MTAP: variants seen among roughly 807,000 people sequenced by gnomAD.
MTAP encodes the protein methylthioadenosine phosphorylase.
MTAP carries 33 observed loss-of-function variants against 33.6 expected under a neutral mutation model. The observed-to-expected ratio is 0.98, with a 90% CI of 0.74 to 1.31. MTAP has a LOEUF of 1.31. Among genes scored for constraint, MTAP ranks in the 40% most tolerant of loss-of-function variants. MTAP has a pLI of 0.00. For missense variants in MTAP, 367 were observed against 360.0 expected (o/e 1.02, Z -0.16); for synonymous variants, 148 against 125.7 (o/e 1.18, Z -1.19).
chr9:21,874,227 G>C (rs913534643), intron 1 of MTAP, among the ~76,000 whole-genome samples: 3 of 152,090 alleles, frequency 2.0e-5, no homozygotes, highest in South Asian at 2.1e-4. Context: ...TAGACAATCT[G>C]TTTATTCTAT....
chr9:21,899,841 A>G lies in MTAP; in HGVS notation c.148-31167A>G, dbSNP rs573947611. Among the ~76,000 whole-genome samples, 19 of 152,308 alleles carry G rather than the reference A, an allele frequency of 1.2e-4. No homozygotes were observed. The East Asian group carries it at 3.7e-3, about 29-fold the overall frequency. ...TGGTACAAAAACAGAAACACAAATCAATGGAACAGAGTAGAGAACCCAGAA... is the reference window on the plus strand; with the variant it reads ...TGGTACAAAAACAGAAACACAAATCGATGGAACAGAGTAGAGAACCCAGAA... On this transcript the variant is annotated intron_variant, in intron 1 of 1. Transcript: ENST00000577563.
At chr9:21,815,895 C>A (rs565120147) in intron 2 of MTAP, among the ~76,000 whole-genome samples, 2 of 152,094 alleles carry the variant, frequency 1.3e-5, no homozygotes, top group South Asian at 4.1e-4. Flanking sequence ...AGGCTGATGA[C>A]TAATAGGATG....
intron 7 of MTAP, chr9:21,860,154 A>T (rs946339818): frequency 1.2e-4 from 18 of 152,160 alleles, no homozygotes; most frequent in African/African-American, 4.3e-4. Flanking sequence ...TCCTTACCTG[A>T]ATTACCACCT....
chr9:21,932,447 C>T (rs1047269094), downstream of MTAP: 1 of 152,196 alleles, frequency 6.6e-6, no homozygotes, highest in Non-Finnish European at 1.5e-5. Context: ...TTCAATTACT[C>T]CTGCAGATAA....
At chr9:21,852,235 G>A (rs946731304) in intron 5 of MTAP, among the ~76,000 whole-genome samples, 6 of 152,132 alleles carry the variant, frequency 3.9e-5, no homozygotes, top group Non-Finnish European at 5.9e-5. Context: ...AGGGCCGGGC[G>A]CAGTGGCTCA....
At chr9:21,804,730 TG>T (rs1328821088) in intron 1 of MTAP, among the ~76,000 whole-genome samples, 1 of 152,014 alleles carries the variant, frequency 6.6e-6, no homozygotes, top group Admixed American at 6.5e-5. Flanking sequence ...GGGGCTGGAG[TG>T]TTCCTTCAAG....
downstream of MTAP, among the ~76,000 whole-genome samples, chr9:21,938,217 T>A (rs1819073007): frequency 6.7e-6 from 1 of 149,020 alleles, no homozygotes; most frequent in Admixed American, 6.8e-5. Flanking sequence ...GAGGTTGCAG[T>A]GAGCCAAGAT....
Position 21,816,810 on chromosome 9 carries a change from G to C in MTAP, c.179+38G>C. ...AAGCTTTTTGGATGTTACTACTAAAGGATAATTTAAATTTAACTTAAATTC... is the reference window on the plus strand; with the variant it reads ...AAGCTTTTTGGATGTTACTACTAAACGATAATTTAAATTTAACTTAAATTC... On this transcript the variant is annotated intron_variant, in intron 3 of 7. Coordinates refer to ENST00000644715, the MANE Select transcript of MTAP (RefSeq NM_002451.4). 5 of 1,533,174 alleles carry C rather than the reference G, an allele frequency of 3.3e-6. No individual in the cohort carries two copies. In the East Asian group the frequency reaches 9.1e-5, roughly 28 times the overall value. The allele number at this position is 1,533,174 out of a possible 1,614,324, so 95.0% of individuals were successfully genotyped here.
At position 21,818,317 on chromosome 9, in the gene MTAP, CTTTTTTTTT is replaced by C. The variant is rs35709813; in HGVS notation, c.347+134_347+142del. On this transcript the variant is annotated intron_variant, in intron 4 of 7. Transcript: ENST00000644715. ...GAGGGCAGTGCCACAGACTCGCTTGCTTTTTTTTTTTTTTTTTTTTTTTTTTTGGAGACG... is the reference window on the plus strand; with the variant it reads ...GAGGGCAGTGCCACAGACTCGCTTGCTTTTTTTTTTTTTTTTTTGGAGACG... The C allele has an allele frequency of 4.2e-4, 102 of 240,848 alleles. 2 individuals carry two copies. The highest frequency in any genetic ancestry group is 1.6e-3 in the East Asian group (10 of 6,238). The allele number at this position is 240,848 out of a possible 1,614,324, so 14.9% of individuals were successfully genotyped here.
chr9:21,905,539 A>G (rs999091972), intron 1 of MTAP, among the ~76,000 whole-genome samples: 2 of 152,260 alleles, frequency 1.3e-5, no homozygotes, highest in African/African-American at 2.4e-5. Flanking sequence ...ATGGAAGACT[A>G]GAAAATATAA....
At chr9:21,905,660 C>G (rs192507720) in intron 1 of MTAP, among the ~76,000 whole-genome samples, 3 of 152,048 alleles carry the variant, frequency 2.0e-5, no homozygotes, top group African/African-American at 2.4e-5. Flanking sequence ...TGACCCAAAA[C>G]AAGAGGGAAC....
chr9:21,932,306 A>T (rs995920919), downstream of MTAP: 1 of 152,240 alleles, frequency 6.6e-6, no homozygotes, highest in Non-Finnish European at 1.5e-5. Context: ...TCCTTCCTTA[A>T]AATTCAACCA....
At position 21,865,995 on chromosome 9, in the gene MTAP, T is replaced by A. The variant is rs1825847593; in HGVS notation, c.*3981T>A. 5.8e-6 allele frequency: 1 copy of A among 172,022 alleles called. No individual in the cohort carries two copies. Among genetic ancestry groups the A allele is most frequent in the Non-Finnish European group, 1.2e-5 (1 of 85,952 alleles). The allele number at this position is 172,022 out of a possible 1,614,324, so 10.7% of individuals were successfully genotyped here. ...AATTACAAGTCTTTTTGTGAACATA[T>A]TTTCACTTGTGCAAATGCCTATACT... On this transcript the variant is annotated 3_prime_UTR_variant, in exon 8 of 8. Transcript: ENST00000644715.
intron 1 of MTAP, among the ~76,000 whole-genome samples, chr9:21,879,661 T>C (rs1817968756): frequency 6.6e-6 from 1 of 151,990 alleles, no homozygotes; most frequent in African/African-American, 2.4e-5. Context: ...CTTAAATGTG[T>C]TTTTGTAATG....
chr9:21,824,896 G>A (rs935493293), intron 4 of MTAP, among the ~76,000 whole-genome samples: 7 of 152,176 alleles, frequency 4.6e-5, no homozygotes, highest in East Asian at 3.9e-4. Context: ...GGGACCCTCC[G>A]AGCTATGCAC....
rs146555768 is a variant in MTAP at position 21,844,007 on chromosome 9, A to G, written c.450+5997A>G. Among the ~76,000 whole-genome samples the G allele has an allele frequency of 5.1e-3, 775 of 152,330 alleles. 3 individuals are homozygous for G. Among genetic ancestry groups the G allele is most frequent in the African/African-American group, 0.018 (733 of 41,572 alleles). On this transcript the variant is annotated intron_variant, in intron 5 of 7. Transcript: ENST00000644715. ...CATTAGTGAAATTAACCAAGAAGAG[A>G]AAAGATCCAAATAAGCTCAATGAGA...
chr9:21,806,922 G>A (rs1044232856), intron 1 of MTAP, among the ~76,000 whole-genome samples: 2 of 152,054 alleles, frequency 1.3e-5, no homozygotes, highest in East Asian at 3.9e-4. Context: ...CCAACACTTT[G>A]GGAGGCCCAG....
intron 5 of MTAP, among the ~76,000 whole-genome samples, chr9:21,848,950 C>A (rs746664309): frequency 6.6e-6 from 1 of 152,194 alleles, no homozygotes; most frequent in Non-Finnish European, 1.5e-5. Flanking sequence ...AACAGTCTGA[C>A]TCGTGTAAAG....
At chr9:21,881,961 T>C (rs1818019076) in intron 1 of MTAP, among the ~76,000 whole-genome samples, 1 of 152,000 alleles carries the variant, frequency 6.6e-6, no homozygotes, top group East Asian at 1.9e-4. Flanking sequence ...AGCCAAGAGA[T>C]GGATGTTCAT....
Sources: allele counts gnomAD v4.1 joint callset (sites outside exome capture counted in the v4.1 genomes callset), GRCh38; gene constraint gnomAD v4.1.1; transcripts MANE v1.5; gene names NCBI Gene and HGNC (gene_info 2026-07-23, HGNC 2026-07-21).